Variants in ARHGEF12 observed in about 807,000 individuals in gnomAD.
ARHGEF12 encodes the protein Rho guanine nucleotide exchange factor 12.
Under a neutral mutation model 211.2 loss-of-function variants are expected in ARHGEF12, and 66 were observed. The ratio of observed to expected loss-of-function variants is 0.31; its 90% CI spans 0.26 to 0.38. ARHGEF12 has a LOEUF of 0.38. Ranked by LOEUF, ARHGEF12 falls within the 10% of genes least tolerant of loss-of-function variation. ARHGEF12 has a pLI of 1.00. For missense variants in ARHGEF12, 1,429 were observed against 1,869.5 expected (o/e 0.76, Z 4.34); for synonymous variants, 592 against 638.4 (o/e 0.93, Z 1.09).
chr11:120,429,710 A>T lies in ARHGEF12; in HGVS notation c.664-2A>T. 1.2e-6 allele frequency: 2 copies of T among 1,607,516 alleles called. No homozygotes were observed. The highest frequency in any genetic ancestry group is 1.7e-6 in the Non-Finnish European group (2 of 1,178,314). On this transcript the variant is annotated splice_acceptor_variant, in intron 9 of 40. Coordinates refer to ENST00000397843, the MANE Select transcript of ARHGEF12 (RefSeq NM_015313.3). LOFTEE classifies it high-confidence loss of function. Reference sequence around the variant, plus strand: ...TCTGAAAATATTTTTATAACTTTTCAGTTATTGCAGGAAGATTACAACCGA... The same window carrying T: ...TCTGAAAATATTTTTATAACTTTTCTGTTATTGCAGGAAGATTACAACCGA...
intron 11 of ARHGEF12, among the ~76,000 whole-genome samples, chr11:120,435,937 A>G (rs1945681687): frequency 6.6e-6 from 1 of 152,232 alleles, no homozygotes; most frequent in Non-Finnish European, 1.5e-5. Context: ...TATTTATTAC[A>G]TGGAGTTATG....
chr11:120,433,939 CAG>C (rs1945621738), intron 11 of ARHGEF12, among the ~76,000 whole-genome samples: 1 of 151,480 alleles, frequency 6.6e-6, no homozygotes, highest in Non-Finnish European at 1.5e-5. Context: ...GCATGGGTGA[CAG>C]AGCAAGACTC....
At chr11:120,401,603 G>T (rs763716174) in intron 1 of ARHGEF12, among the ~76,000 whole-genome samples, 2 of 152,258 alleles carry the variant, frequency 1.3e-5, no homozygotes, top group Non-Finnish European at 1.5e-5. Flanking sequence ...TTTTAAAGGA[G>T]ATGAGGAAAT....
Position 120,427,988 on chromosome 11 carries a change from TTAAG to T in ARHGEF12, c.407-78_407-75del, listed in dbSNP as rs533926947. 60 of 1,202,106 alleles carry T rather than the reference TTAAG, an allele frequency of 5.0e-5. No individual in the cohort carries two copies. In the South Asian group the frequency reaches 1.1e-3, roughly 22 times the overall value. 74.5% of individuals were successfully genotyped at this position (1,202,106 alleles called of 1,614,324 possible). A position where few individuals can be genotyped will look rare whatever the true frequency, so the allele number is the denominator to read the frequency against. ...CTGGATCTTTTAGAACTATCGAAGA[TTAAG>T]TAGTAAAATGGTATAAAAAGTTTCT... On this transcript the variant is annotated intron_variant, in intron 7 of 40. Coordinates refer to ENST00000397843, the MANE Select transcript of ARHGEF12 (RefSeq NM_015313.3).
At chr11:120,416,704 G>A (rs1374909544) in intron 4 of ARHGEF12, among the ~76,000 whole-genome samples, 2 of 151,962 alleles carry the variant, frequency 1.3e-5, no homozygotes, top group African/African-American at 4.8e-5. Context: ...AGGCTGGAGT[G>A]CAGTGGCGCG....
At chr11:120,364,273 C>T (rs772173769) in intron 1 of ARHGEF12, among the ~76,000 whole-genome samples, 11 of 152,070 alleles carry the variant, frequency 7.2e-5, no homozygotes, top group Non-Finnish European at 1.5e-5. Context: ...GTGCTGGGAG[C>T]TTCATCTTTC....
chr11:120,405,129 T>C (rs893980665), intron 1 of ARHGEF12, among the ~76,000 whole-genome samples: 1 of 152,208 alleles, frequency 6.6e-6, no homozygotes, highest in African/African-American at 2.4e-5. Flanking sequence ...TCTACCTCCA[T>C]GCCAAATGAA....
intron 6 of ARHGEF12, among the ~76,000 whole-genome samples, chr11:120,423,341 AATATGT>A (rs1945252471): frequency 1.3e-5 from 2 of 152,150 alleles, no homozygotes; most frequent in South Asian, 4.1e-4. Flanking sequence ...AAAGTCTGTG[AATATGT>A]ATCAAAAGCC....
At position 120,388,113 on chromosome 11, in the gene ARHGEF12, A is replaced by G. The variant is rs74847186; in HGVS notation, c.33-18005A>G. Among the ~76,000 whole-genome samples, 1,314 of 152,202 alleles carry G rather than the reference A, an allele frequency of 8.6e-3. 88 individuals are homozygous for G. In the South Asian group the frequency reaches 0.16, roughly 19 times the overall value. On this transcript the variant is annotated intron_variant, in intron 1 of 40. Coordinates refer to ENST00000397843, the MANE Select transcript of ARHGEF12 (RefSeq NM_015313.3). The stretch of plus-strand genomic sequence containing the variant: ...CCTCCACCCCTCCTCACCTATCCCC[A>G]GGTGTACCCATTGACTTGTCTTTGG...
rs766260781 is a variant in ARHGEF12 at position 120,429,699 on chromosome 11, T to C, written c.664-13T>C. ...AAGTAATTAATTCTGAAAATATTTT[T>C]ATAACTTTTCAGTTATTGCAGGAAG... On this transcript the variant is annotated splice_polypyrimidine_tract_variant and intron_variant, in intron 9 of 40. Transcript: ENST00000397843. 3.7e-6 allele frequency: 6 copies of C among 1,605,206 alleles called. No individual in the cohort carries two copies. Among genetic ancestry groups the C allele is most frequent in the Non-Finnish European group, 5.1e-6 (6 of 1,177,226 alleles).
chr11:120,434,113 T>A (rs972248556), intron 11 of ARHGEF12, among the ~76,000 whole-genome samples: 1 of 152,130 alleles, frequency 6.6e-6, no homozygotes, highest in Non-Finnish European at 1.5e-5. Flanking sequence ...AGAGACACCA[T>A]CAGAAACATA....
intron 11 of ARHGEF12, among the ~76,000 whole-genome samples, chr11:120,433,735 C>T (rs1945613553): frequency 6.6e-6 from 1 of 152,144 alleles, no homozygotes; most frequent in Non-Finnish European, 1.5e-5. Context: ...GCAGGCCAGT[C>T]ACAAGGTCAG....
At chr11:120,366,033 GA>G (rs1943412204) in intron 1 of ARHGEF12, 2 of 152,228 alleles carry the variant, frequency 1.3e-5, no homozygotes, top group Non-Finnish European at 2.9e-5. Flanking sequence ...CAAGGTGGGA[GA>G]ATTGCCTGAG....
intron 26 of ARHGEF12, 143 bp from the exon 27 acceptor site, chr11:120,460,529 G>C: frequency 1.7e-6 from 1 of 593,026 alleles, no homozygotes; most frequent in Non-Finnish European, 2.9e-6. Flanking sequence ...ACTATGTCCA[G>C]ATTTATATTT....
intron 22 of ARHGEF12, among the ~76,000 whole-genome samples, chr11:120,451,954 A>C (rs1342697233): frequency 2.6e-5 from 4 of 152,212 alleles, no homozygotes; most frequent in Non-Finnish European, 5.9e-5. Flanking sequence ...TTTGTCCCGG[A>C]TGTTAACATG....
intron 32 of ARHGEF12, 77 bp from the exon 33 acceptor site, chr11:120,475,263 T>C (rs1393552683): frequency 7.6e-7 from 1 of 1,317,148 alleles, no homozygotes; most frequent in East Asian, 2.4e-5. Flanking sequence ...AGAATTCCTC[T>C]GTTGAATCAT....
At chr11:120,483,879 G>A (rs1437411800) in intron 39 of ARHGEF12, among the ~76,000 whole-genome samples, 1 of 152,314 alleles carries the variant, frequency 6.6e-6, no homozygotes, top group Non-Finnish European at 1.5e-5. Flanking sequence ...CTCCCAAAGT[G>A]TTGGGATTAC....
At chr11:120,463,224 G>A (rs1946588286) in intron 27 of ARHGEF12, 1 of 152,100 alleles carries the variant, frequency 6.6e-6, no homozygotes, top group African/African-American at 2.4e-5. Flanking sequence ...TACTTAAACT[G>A]CTTGTAAAAC....
At chr11:120,475,316 T>A in intron 32 of ARHGEF12, 24 bp from the exon 33 acceptor site, 1 of 1,608,710 alleles carries the variant, frequency 6.2e-7, no homozygotes, top group Non-Finnish European at 8.5e-7. Flanking sequence ...TACTTACCAT[T>A]TTTTTCTGCA....
Sources: allele counts gnomAD v4.1 joint callset (sites outside exome capture counted in the v4.1 genomes callset), GRCh38; gene constraint gnomAD v4.1.1; transcripts MANE v1.5; gene names NCBI Gene and HGNC (gene_info 2026-07-23, HGNC 2026-07-21).